Variants in RIC3 observed in about 807,000 individuals in gnomAD.
RIC3 encodes RIC3 acetylcholine receptor chaperone, also known as protein RIC-3.
A neutral mutation model predicts 27.3 loss-of-function variants in RIC3; 28 were observed. The ratio of observed to expected loss-of-function variants is 1.02; its 90% CI spans 0.76 to 1.41. The LOEUF (loss-of-function observed/expected upper bound fraction) is 1.41. Among genes scored for constraint, RIC3 ranks in the 40% most tolerant of loss-of-function variants. RIC3 has a pLI of 0.00. For missense variants in RIC3, 501 were observed against 444.7 expected (o/e 1.13, Z -1.14); for synonymous variants, 184 against 160.4 (o/e 1.15, Z -1.11).
chr11:8,164,005 G>A (rs191559733), intron 1 of RIC3, among the ~76,000 whole-genome samples: 1 of 152,252 alleles, frequency 6.6e-6, no homozygotes, highest in East Asian at 1.9e-4. Flanking sequence ...TAAGTATACA[G>A]ATTAATGTAA....
intron 1 of RIC3, among the ~76,000 whole-genome samples, chr11:8,145,446 C>T (rs942678737): frequency 3.3e-5 from 5 of 152,314 alleles, no homozygotes; most frequent in Non-Finnish European, 5.9e-5. Context: ...CCTCAATTTG[C>T]ATGTTCTTCA....
intron 4 of RIC3, chr11:8,128,222 C>T: frequency 2.2e-6 from 1 of 457,416 alleles, no homozygotes; most frequent in Non-Finnish European, 4.4e-6. Flanking sequence ...AGCTTACCTG[C>T]TTATCACAAA....
chr11:8,168,713 T>C (rs1419900880), intron 1 of RIC3, among the ~76,000 whole-genome samples, 153 bp downstream of exon 1: 4 of 152,230 alleles, frequency 2.6e-5, no homozygotes, highest in East Asian at 3.9e-4. Flanking sequence ...ACCGTGGGCA[T>C]TGGCCCTTCA....
At chr11:8,140,336 G>A (rs1948911372) in intron 1 of RIC3, 143 bp from the exon 2 acceptor site, 4 of 696,390 alleles carry the variant, frequency 5.7e-6, no homozygotes, top group Middle Eastern at 3.4e-4. Flanking sequence ...GGATACAGAG[G>A]TATCACACAT....
chr11:8,122,418 T>G (rs988957007), intron 5 of RIC3, among the ~76,000 whole-genome samples: 10 of 151,800 alleles, frequency 6.6e-5, no homozygotes, highest in African/African-American at 2.2e-4. Context: ...GTATATATAG[T>G]TCATTCCTTT....
chr11:8,116,396 C>T (rs1181198664), intron 5 of RIC3, among the ~76,000 whole-genome samples: 1 of 152,114 alleles, frequency 6.6e-6, no homozygotes, highest in African/African-American at 2.4e-5. Flanking sequence ...GGATATGACA[C>T]CAAAAGCCCA....
intron 4 of RIC3, among the ~76,000 whole-genome samples, chr11:8,133,355 G>T (rs1387287173): frequency 2.0e-5 from 3 of 152,138 alleles, no homozygotes; most frequent in African/African-American, 7.2e-5. Context: ...ACGAACATAT[G>T]GGCTGCCTAG....
downstream of RIC3, chr11:8,105,852 A>C (rs953465537): frequency 2.6e-5 from 4 of 152,092 alleles, no homozygotes; most frequent in South Asian, 8.3e-4. Context: ...TGAGATCCAG[A>C]GTTTCCTAGA....
At position 8,108,631 on chromosome 11, in the gene RIC3, T is replaced by G. The variant is rs1590041625; in HGVS notation, c.*2067A>C. The G allele has an allele frequency of 6.6e-6, 1 of 152,216 alleles. No homozygotes were observed. The highest frequency in any genetic ancestry group is 1.9e-4 in the East Asian group (1 of 5,196). 9.4% of individuals were successfully genotyped at this position (152,216 alleles called of 1,614,324 possible). On this transcript the variant is annotated 3_prime_UTR_variant, in exon 6 of 6. Coordinates refer to ENST00000309737, the MANE Select transcript of RIC3 (RefSeq NM_001206671.4). ...AGCTAGAAAATGCAGGGACAGATTA[T>G]GGCTCATGTTTCTCTGCCTGCAGGA...
intron 4 of RIC3, among the ~76,000 whole-genome samples, chr11:8,134,028 G>A (rs1341189882): frequency 6.6e-6 from 1 of 151,362 alleles, no homozygotes; most frequent in Non-Finnish European, 1.5e-5. Flanking sequence ...TAAGTTCTAG[G>A]GTACATGTGC....
downstream of RIC3, chr11:8,103,287 C>A (rs1944384854): frequency 6.6e-6 from 1 of 152,140 alleles, no homozygotes; most frequent in Non-Finnish European, 1.5e-5. Flanking sequence ...TTGTCATTTA[C>A]CCTGGTGGAG....
chr11:8,100,788 A>G, the RIC3 span: 1 of 1,609,278 alleles, frequency 6.2e-7, no homozygotes, highest in Non-Finnish European at 8.5e-7. Context: ...CATGGTGCCA[A>G]AGGCCTGGGC....
chr11:8,113,426 C>G (rs1392269226), intron 5 of RIC3, among the ~76,000 whole-genome samples: 1 of 152,186 alleles, frequency 6.6e-6, no homozygotes, highest in East Asian at 1.9e-4. Flanking sequence ...CCTGCAGATA[C>G]AGACTCCGGG....
chr11:8,128,201 C>A (rs563042350), intron 4 of RIC3: 2 of 457,388 alleles, frequency 4.4e-6, no homozygotes, highest in East Asian at 6.9e-5. Flanking sequence ...GCTTCTGGGG[C>A]AGACTAGAAG....
chr11:8,134,186 C>G (rs897297862), intron 4 of RIC3, among the ~76,000 whole-genome samples: 4 of 152,226 alleles, frequency 2.6e-5, no homozygotes, highest in East Asian at 1.9e-4. Flanking sequence ...TGATGTTCCC[C>G]TTCCTGTGTC....
In RIC3 at chr11:8,111,099, C is replaced by G; in HGVS notation, c.709G>C (p.Asp237His). The G allele has an allele frequency of 6.2e-7, 1 of 1,610,380 alleles. No individual in the cohort carries two copies. The highest frequency in any genetic ancestry group is 8.5e-7 in the Non-Finnish European group (1 of 1,177,322). Residue 237 changes from aspartate (D) to histidine (H), a missense_variant, in exon 6 of 6, where the codon GAC becomes CAC. Physicochemically the swap from Asp to His is moderately conservative, Grantham distance 81. Coordinates refer to ENST00000309737, the MANE Select transcript of RIC3 (RefSeq NM_001206671.4). ...GTTTCTTGCCTACGCTTGATACAGTCTGAAAGGTCATAAATTGGGTAAGTC... is the reference window on the plus strand; with the variant it reads ...GTTTCTTGCCTACGCTTGATACAGTGTGAAAGGTCATAAATTGGGTAAGTC... ...EETYPIYDLS[D>H]CIKRRQETIL...
chr11:8,130,491 G>T (rs1947558620), intron 4 of RIC3, among the ~76,000 whole-genome samples: 1 of 152,016 alleles, frequency 6.6e-6, no homozygotes. Flanking sequence ...AATAAATTCT[G>T]CCTCCTCGTA....
chr11:8,104,931 T>TG (rs965673703), downstream of RIC3: 73 of 133,026 alleles, frequency 5.5e-4, 4 homozygotes, highest in Middle Eastern at 0.016. Context: ...CAGAAGGTTG[T>TG]TTTTTTTTTT....
At chr11:8,100,541 G>A in the RIC3 span, 7 of 1,614,106 alleles carry the variant, frequency 4.3e-6, no homozygotes, top group East Asian at 2.2e-5. Context: ...CTCGGAAGAT[G>A]AGCGTGATTG....
Sources: allele counts gnomAD v4.1 joint callset (sites outside exome capture counted in the v4.1 genomes callset), GRCh38; gene constraint gnomAD v4.1.1; transcripts MANE v1.5; gene names NCBI Gene and HGNC (gene_info 2026-07-23, HGNC 2026-07-21).